The following RABL3 variants were observed in gnomAD, a reference collection of about 807,000 sequenced individuals.
RABL3 encodes the protein rab-like protein 3.
A neutral mutation model predicts 31.8 loss-of-function variants in RABL3; 31 were observed. The observed-to-expected ratio is 0.97, with a 90% CI of 0.73 to 1.31. The LOEUF (loss-of-function observed/expected upper bound fraction) is 1.31. RABL3 is among the 40% of genes most tolerant of loss of function. The probability of loss-of-function intolerance (pLI) is 0.00; values close to 1 mark genes in which losing one functional copy is unlikely to be tolerated. For missense variants in RABL3, 263 were observed against 279.6 expected, an observed-to-expected ratio of 0.94 and a Z score of 0.42; for synonymous variants, 97 against 99.9, an observed-to-expected ratio of 0.97 and a Z score of 0.18.
chr3:120,715,589 C>T (rs1045037402), intron 2 of RABL3, among the ~76,000 whole-genome samples: 6 of 152,004 alleles, frequency 3.9e-5, no homozygotes, highest in South Asian at 2.1e-4. Flanking sequence ...ATGTCCAATA[C>T]GGTAACCATT....
chr3:120,735,235 C>G (rs1048318755), intron 1 of RABL3, among the ~76,000 whole-genome samples: 5 of 152,246 alleles, frequency 3.3e-5, no homozygotes, highest in African/African-American at 1.2e-4. Context: ...TGTTATTGGT[C>G]TATTCAGAGA....
chr3:120,713,563 T>C (rs377019841), intron 2 of RABL3, among the ~76,000 whole-genome samples: 2 of 152,214 alleles, frequency 1.3e-5, no homozygotes, highest in East Asian at 1.9e-4. Context: ...TTAAAGCAGG[T>C]CATCAAGGAT....
rs1475828531 is a variant in RABL3 at position 120,702,635 on chromosome 3, G to T, written c.383+3365C>A. ...TGCAGTGGCGTGATCTCGGCTCACT[G>T]CAAGCTCCGTCTCCCAGGTTCATGC... On this transcript the variant is annotated intron_variant, in intron 4 of 7. Coordinates refer to ENST00000273375, the MANE Select transcript of RABL3 (RefSeq NM_173825.5). 8.6e-5 allele frequency among the ~76,000 whole-genome samples: 13 copies of T among 150,932 alleles called. No individual in the cohort carries two copies. In the East Asian group the frequency reaches 2.6e-3, roughly 30 times the overall value.
intron 5 of RABL3, 115 bp from the exon 6 acceptor site, chr3:120,694,339 TCTCA>T (rs1708412928): frequency 1.7e-6 from 1 of 605,970 alleles, no homozygotes; most frequent in Admixed American, 2.6e-5. Flanking sequence ...GGCACAATAC[TCTCA>T]CAAAATATTC....
chr3:120,704,146 A>G (rs957123879), intron 4 of RABL3, among the ~76,000 whole-genome samples: 3 of 152,250 alleles, frequency 2.0e-5, no homozygotes, highest in African/African-American at 7.2e-5. Context: ...CATGGATAAA[A>G]ATCCTCAACA....
chr3:120,689,990 G>C, intron 7 of RABL3, 102 bp from the exon 8 acceptor site: 1 of 894,112 alleles, frequency 1.1e-6, no homozygotes, highest in Non-Finnish European at 1.7e-6. Context: ...TCAGCCTGCT[G>C]TTTCTTAAAA....
intron 3 of RABL3, among the ~76,000 whole-genome samples, chr3:120,709,157 A>G (rs1708583894): frequency 6.6e-6 from 1 of 152,024 alleles, no homozygotes; most frequent in African/African-American, 2.4e-5. Flanking sequence ...ACTAAGAAAG[A>G]AACTCTATTG....
At chr3:120,721,747 C>T (rs1366577729) in intron 2 of RABL3, among the ~76,000 whole-genome samples, 1 of 152,194 alleles carries the variant, frequency 6.6e-6, no homozygotes, top group Non-Finnish European at 1.5e-5. Flanking sequence ...TAACACACCA[C>T]TGTCAACATT....
intron 2 of RABL3, among the ~76,000 whole-genome samples, chr3:120,715,651 C>T (rs1178298483): frequency 6.6e-6 from 1 of 151,970 alleles, no homozygotes; most frequent in African/African-American, 2.4e-5. Flanking sequence ...AACTGAGGAG[C>T]TAGATTTTTA....
At chr3:120,730,878 T>C (rs1708875101) in intron 1 of RABL3, 91 bp from the exon 2 acceptor site, 1 of 821,486 alleles carries the variant, frequency 1.2e-6, no homozygotes, top group East Asian at 2.5e-5. Context: ...AGGAATAATG[T>C]TAAGTAAAGC....
At chr3:120,734,748 C>A (rs575477464) in intron 1 of RABL3, among the ~76,000 whole-genome samples, 2 of 152,254 alleles carry the variant, frequency 1.3e-5, no homozygotes, top group South Asian at 4.1e-4. Context: ...GAGTTTTTAG[C>A]ACAAAGGGCT....
intron 5 of RABL3, among the ~76,000 whole-genome samples, chr3:120,694,772 A>G (rs990698849): frequency 2.6e-4 from 39 of 152,112 alleles, no homozygotes; most frequent in African/African-American, 7.7e-4. Context: ...CCACAAAGAT[A>G]TATTATTTTT....
chr3:120,714,582 T>C (rs1407752940), intron 2 of RABL3, among the ~76,000 whole-genome samples: 1 of 152,210 alleles, frequency 6.6e-6, no homozygotes, highest in Admixed American at 6.5e-5. Flanking sequence ...CGTCTAAACT[T>C]CGTGAAAAAT....
intron 2 of RABL3, 76 bp from the exon 3 acceptor site, chr3:120,709,985 C>T: frequency 9.5e-7 from 1 of 1,054,142 alleles, no homozygotes; most frequent in Non-Finnish European, 1.4e-6. Flanking sequence ...CGGTTTAAAG[C>T]ATTTCAGCAT....
chr3:120,699,615 C>A (rs906693032), intron 4 of RABL3, among the ~76,000 whole-genome samples: 4 of 152,146 alleles, frequency 2.6e-5, no homozygotes, highest in Non-Finnish European at 4.4e-5. Flanking sequence ...TCGAGCATAG[C>A]TTTTTTTCTT....
At chr3:120,693,982 G>A (rs986651044) in intron 6 of RABL3, among the ~76,000 whole-genome samples, 171 bp downstream of exon 6, 6 of 152,116 alleles carry the variant, frequency 3.9e-5, no homozygotes, top group Non-Finnish European at 5.9e-5. Context: ...GAATAAATAC[G>A]TCAGCAGGCC....
In RABL3 at chr3:120,718,867, T is replaced by C. The variant is rs1315384940; in HGVS notation, c.139-8958A>G. Among the ~76,000 whole-genome samples, 4 of 152,322 alleles carry C rather than the reference T, an allele frequency of 2.6e-5. No homozygotes were observed. The East Asian group carries it at 5.8e-4, about 22-fold the overall frequency. ...TCGAGGTACAATGTATTACCAGATA[T>C]AGGGAGGGACATATTAAAATAACAA... On this transcript the variant is annotated intron_variant, in intron 2 of 7. Coordinates refer to ENST00000273375, the MANE Select transcript of RABL3 (RefSeq NM_173825.5).
rs567935997 is a variant in RABL3, at chr3:120,737,685, G to A, written c.46+4777C>T. On this transcript the variant is annotated intron_variant, in intron 1 of 7. Coordinates refer to ENST00000273375, the MANE Select transcript of RABL3 (RefSeq NM_173825.5). ...ACCTTTGGTCTTTGATGATGGAGTC[G>A]GACAGATGGGGTTTTGTTGTGGATG... is the stretch of plus-strand genomic sequence containing the variant. Among the ~76,000 whole-genome samples, 21 of 152,226 alleles carry A rather than the reference G, an allele frequency of 1.4e-4. No individual in the cohort carries two copies. In the East Asian group the frequency reaches 1.9e-3, roughly 14 times the overall value.
chr3:120,726,995 AT>A (rs1489389154), intron 2 of RABL3, among the ~76,000 whole-genome samples: 1 of 152,084 alleles, frequency 6.6e-6, no homozygotes, highest in African/African-American at 2.4e-5. Flanking sequence ...TTTGAACTGA[AT>A]AATAATGAAA....
Sources: allele counts gnomAD v4.1 joint callset (sites outside exome capture counted in the v4.1 genomes callset), GRCh38; gene constraint gnomAD v4.1.1; transcripts MANE v1.5; gene names NCBI Gene and HGNC (gene_info 2026-07-23, HGNC 2026-07-21).